Variants in ATXN2 observed in about 807,000 individuals in gnomAD.
ATXN2 encodes ataxin 2, also known as ataxin-2.
Under a neutral mutation model 138.6 loss-of-function variants are expected in ATXN2, and 37 were observed. That is an observed-to-expected ratio of 0.27 (90% CI 0.21 to 0.35). The LOEUF (loss-of-function observed/expected upper bound fraction) is 0.35, where lower values mean the gene tolerates loss of function less well. Ranked by LOEUF, ATXN2 falls within the 10% of genes least tolerant of loss-of-function variation. The pLI, the probability that ATXN2 is intolerant of heterozygous loss-of-function variation, is 1.00. For missense variants in ATXN2, 1,216 were observed against 1,480.3 expected (o/e 0.82, Z 2.93); for synonymous variants, 549 against 543.7 (o/e 1.01, Z -0.13).
At chr12:111,490,777 G>T (rs1337136416) in intron 14 of ATXN2, among the ~76,000 whole-genome samples, 1 of 152,176 alleles carries the variant, frequency 6.6e-6, no homozygotes, top group Non-Finnish European at 1.5e-5. Context: ...ACAATGCAGT[G>T]TGGGGTGGAG....
intron 21 of ATXN2, among the ~76,000 whole-genome samples, chr12:111,461,472 A>AAAAATAAAAT (rs59454350): frequency 2.0e-5 from 3 of 151,536 alleles, no homozygotes; most frequent in African/African-American, 7.3e-5. Context: ...CTCCGTCTCA[A>AAAAATAAAAT]AAAATAAAAT....
At chr12:111,517,629 A>C (rs1319016056) in intron 9 of ATXN2, among the ~76,000 whole-genome samples, 2 of 152,172 alleles carry the variant, frequency 1.3e-5, no homozygotes, top group African/African-American at 4.8e-5. Context: ...AGGTAGAGTA[A>C]AAAATGTCTT....
At chr12:111,499,950 G>A (rs1878651947) in intron 14 of ATXN2, among the ~76,000 whole-genome samples, 1 of 152,172 alleles carries the variant, frequency 6.6e-6, no homozygotes, top group African/African-American at 2.4e-5. Context: ...TTATCCAAAA[G>A]ACAGGCAATA....
At chr12:111,458,100 G>A (rs913689095) in intron 21 of ATXN2, 5 of 152,078 alleles carry the variant, frequency 3.3e-5, no homozygotes, top group African/African-American at 1.2e-4. Context: ...ATCTCAGCGT[G>A]GGCCAAACCT....
intron 5 of ATXN2, among the ~76,000 whole-genome samples, chr12:111,529,130 T>A (rs568130054): frequency 3.3e-5 from 5 of 151,848 alleles, no homozygotes; most frequent in African/African-American, 1.2e-4. Context: ...AGTCTGGATT[T>A]TAAAAAAAAA....
At chr12:111,560,859 A>G (rs1032231317) in intron 1 of ATXN2, among the ~76,000 whole-genome samples, 1 of 152,212 alleles carries the variant, frequency 6.6e-6, no homozygotes, top group Non-Finnish European at 1.5e-5. Context: ...GTCTGACTTA[A>G]TAAGAATTTC....
chr12:111,474,214 C>G (rs1479175252), intron 18 of ATXN2, among the ~76,000 whole-genome samples: 5 of 152,062 alleles, frequency 3.3e-5, no homozygotes, highest in Admixed American at 2.6e-4. Context: ...GAGTTAGACA[C>G]TGTCTCAAAA....
intron 18 of ATXN2, among the ~76,000 whole-genome samples, chr12:111,484,769 C>T (rs1877519577): frequency 1.3e-5 from 2 of 151,216 alleles, no homozygotes; most frequent in African/African-American, 4.9e-5. Flanking sequence ...CTCACTCTGT[C>T]GCCCAGGCTG....
intron 5 of ATXN2, among the ~76,000 whole-genome samples, chr12:111,548,070 G>A (rs979330431): frequency 3.9e-5 from 6 of 151,952 alleles, no homozygotes. Flanking sequence ...GTACGTGCCT[G>A]TAATCCCAGT....
intron 1 of ATXN2, among the ~76,000 whole-genome samples, chr12:111,590,670 C>T (rs1884609644): frequency 2.1e-5 from 3 of 143,634 alleles, no homozygotes; most frequent in East Asian, 2.0e-4. Context: ...GGTGACAGAG[C>T]GAGACTCCAT....
chr12:111,466,941 G>A (rs903452952), intron 20 of ATXN2, among the ~76,000 whole-genome samples: 48 of 151,958 alleles, frequency 3.2e-4, no homozygotes, highest in African/African-American at 9.7e-4. Flanking sequence ...ATTGTTCAGG[G>A]AAGATGAGTA....
intron 23 of ATXN2, chr12:111,455,383 C>T (rs911006151): frequency 2.2e-6 from 1 of 445,884 alleles, no homozygotes; most frequent in African/African-American, 2.0e-5. Flanking sequence ...ACACCTTTCA[C>T]CTGTAGCAGC....
intron 1 of ATXN2, among the ~76,000 whole-genome samples, chr12:111,566,905 T>C (rs934815022): frequency 6.6e-6 from 1 of 152,158 alleles, no homozygotes; most frequent in Non-Finnish European, 1.5e-5. Context: ...CCCAAAGTAC[T>C]GGGATTACAG....
At chr12:111,509,715 A>T (rs575617513) in intron 13 of ATXN2, 96 bp from the exon 14 acceptor site, 1 of 933,770 alleles carries the variant, frequency 1.1e-6, no homozygotes, top group Non-Finnish European at 1.6e-6. Flanking sequence ...AATAAGATAT[A>T]AGATCAGAAA....
At chr12:111,488,303 C>T (rs1877774386) in intron 15 of ATXN2, among the ~76,000 whole-genome samples, 173 bp downstream of exon 15, 1 of 152,130 alleles carries the variant, frequency 6.6e-6, no homozygotes, top group Admixed American at 6.5e-5. Flanking sequence ...GGTGCAATAA[C>T]CTCATTTACT....
chr12:111,589,238 C>T (rs1884522460), intron 1 of ATXN2, among the ~76,000 whole-genome samples: 1 of 151,270 alleles, frequency 6.6e-6, no homozygotes, highest in Non-Finnish European at 1.5e-5. Flanking sequence ...TCACTTGAAC[C>T]TAGGAGGCGG....
At position 111,453,741 on chromosome 12, in the gene ATXN2, TTGAGCGAGGGCGGCC is replaced by T; in HGVS notation, c.3360_3374del (p.Ala1121_Gln1125del). On this transcript the variant is annotated inframe_deletion, in exon 24 of 25. Transcript: ENST00000673436. This position sits in a 1 kb window ranked among gnomAD's most constrained non-coding sequence, Gnocchi z 5.4. ...AGACTGGAATGGGCTGTAGTGCACT[TTGAGCGAGGGCGGCC>T]TGGGGACCGCCGGGTGGCTGTGTCG... 6.2e-7 allele frequency: 1 copy of T among 1,614,008 alleles called. No individual in the cohort carries two copies. Among genetic ancestry groups the T allele is most frequent in the South Asian group, 1.1e-5 (1 of 91,054 alleles).
rs373922649 is a variant in ATXN2, at chr12:111,548,125, G to A, written c.571+4155C>T. Among the ~76,000 whole-genome samples, 6 of 152,116 alleles carry A rather than the reference G, an allele frequency of 3.9e-5. No homozygotes were observed. In the East Asian group the frequency reaches 9.7e-4, roughly 25 times the overall value. The stretch of plus-strand genomic sequence containing the variant: ...AGATAACTGCTTGAACCCAGGAGGT[G>A]GAGGTTGCAGTGCGCCAAGATCACG... On this transcript the variant is annotated intron_variant, in intron 5 of 24. Transcript: ENST00000673436.
At position 111,510,801 on chromosome 12, in the gene ATXN2, A is replaced by AT. The variant is rs576417527; in HGVS notation, c.1559-220dup. 24 of 376,212 alleles carry AT rather than the reference A, an allele frequency of 6.4e-5. 1 individual carries two copies. The South Asian group carries it at 1.0e-3, about 16-fold the overall frequency. 23.3% of individuals were successfully genotyped at this position (376,212 alleles called of 1,614,324 possible). On this transcript the variant is annotated intron_variant, in intron 11 of 24. Coordinates refer to ENST00000673436, the MANE Select transcript of ATXN2 (RefSeq NM_001372574.1). ...AGCAGCAATTACTAACATAAGTATG[A>AT]TTTTCTCTCCTAACTAAATGTATCA...
Sources: gnomAD v4.1 joint callset for allele counts (sites outside exome capture counted in the v4.1 genomes callset) on GRCh38, gnomAD v4.1.1 for gene constraint, Gnocchi (gnomAD v3.1) non-coding constraint, MANE v1.5 for transcripts, NCBI Gene and HGNC (gene_info 2026-07-23, HGNC 2026-07-21) for gene names.